Variants in HERPUD2 observed in about 807,000 individuals in gnomAD.
HERPUD2 encodes the protein HERPUD family member 2, also known as homocysteine-responsive endoplasmic reticulum-resident ubiquitin-like domain member 2 protein.
Under a neutral mutation model 49.9 loss-of-function variants are expected in HERPUD2, and 13 were observed. The observed-to-expected ratio is 0.26, with a 90% CI of 0.17 to 0.41. The LOEUF is 0.41. Ranked by LOEUF, HERPUD2 falls within the 10% of genes least tolerant of loss-of-function variation. HERPUD2 has a pLI of 1.00. For missense variants in HERPUD2, 449 were observed against 492.2 expected, an observed-to-expected ratio of 0.91 and a Z score of 0.83; for synonymous variants, 172 against 171.4, an observed-to-expected ratio of 1.00 and a Z score of -0.03.
intron 2 of HERPUD2, among the ~76,000 whole-genome samples, chr7:35,682,386 T>TAC (rs1785934901): frequency 3.8e-5 from 5 of 132,258 alleles, no homozygotes; most frequent in African/African-American, 1.1e-4. Flanking sequence ...TATATATATA[T>TAC]ACTTAATCGG....
intron 3 of HERPUD2, 61 bp downstream of exon 3, chr7:35,673,140 G>C: frequency 7.7e-7 from 1 of 1,292,050 alleles, no homozygotes; most frequent in South Asian, 1.3e-5. Flanking sequence ...TAAAATTTCA[G>C]AACATATCTC....
chr7:35,665,336 C>A (rs1785514417), intron 5 of HERPUD2, among the ~76,000 whole-genome samples: 1 of 152,234 alleles, frequency 6.6e-6, no homozygotes, highest in African/African-American at 2.4e-5. Flanking sequence ...CCTCCCTCAG[C>A]CTTGCTGTCG....
intron 6 of HERPUD2, among the ~76,000 whole-genome samples, chr7:35,637,138 A>AAACG (rs1784882629): frequency 1.5e-5 from 2 of 135,694 alleles, no homozygotes; most frequent in Admixed American, 7.8e-5. Context: ...GTCTCAAAAA[A>AAACG]AAAGAAAGAA....
intron 2 of HERPUD2, among the ~76,000 whole-genome samples, chr7:35,674,365 A>G (rs533921250): frequency 5.5e-4 from 72 of 131,004 alleles, no homozygotes; most frequent in African/African-American, 1.9e-3. Flanking sequence ...TTTTAAAATC[A>G]TAAGTCTTAC....
chr7:35,649,733 G>A (rs1027590584), intron 5 of HERPUD2, among the ~76,000 whole-genome samples: 2 of 152,178 alleles, frequency 1.3e-5, no homozygotes, highest in Non-Finnish European at 2.9e-5. Flanking sequence ...TTATGATAAG[G>A]GGTTGTAGAG....
chr7:35,684,091 A>G (rs1459283085), intron 2 of HERPUD2, among the ~76,000 whole-genome samples: 1 of 152,198 alleles, frequency 6.6e-6, no homozygotes, highest in Non-Finnish European at 1.5e-5. Context: ...TCATTATACA[A>G]AAAAGATATT....
intron 2 of HERPUD2, among the ~76,000 whole-genome samples, chr7:35,681,326 G>C (rs1297310856): frequency 6.6e-6 from 1 of 152,104 alleles, no homozygotes; most frequent in African/African-American, 2.4e-5. Context: ...GTATGGGCAA[G>C]GATGTAGAGA....
At chr7:35,671,183 T>C (rs969155130) in intron 3 of HERPUD2, among the ~76,000 whole-genome samples, 15 of 152,096 alleles carry the variant, frequency 9.9e-5, no homozygotes, top group Non-Finnish European at 2.2e-4. Flanking sequence ...AACCTATAAT[T>C]GTGCTTAATT....
At chr7:35,685,192 G>A (rs1474631840) in intron 2 of HERPUD2, among the ~76,000 whole-genome samples, 1 of 151,386 alleles carries the variant, frequency 6.6e-6, no homozygotes, top group Non-Finnish European at 1.5e-5. Context: ...AGCCAAGGTC[G>A]TGCCACTGTC....
chr7:35,642,132 T>C (rs1411162411), intron 5 of HERPUD2, among the ~76,000 whole-genome samples: 1 of 151,802 alleles, frequency 6.6e-6, no homozygotes, highest in East Asian at 1.9e-4. Context: ...AGAAAAACAT[T>C]TAAAAAGTGG....
intron 2 of HERPUD2, among the ~76,000 whole-genome samples, chr7:35,682,037 C>T (rs754768901): frequency 6.6e-6 from 1 of 151,820 alleles, no homozygotes; most frequent in Non-Finnish European, 1.5e-5. Context: ...ATTGAATATC[C>T]AAATGCCTTC....
At chr7:35,637,206 A>G (rs1222461350) in intron 6 of HERPUD2, among the ~76,000 whole-genome samples, 2 of 142,314 alleles carry the variant, frequency 1.4e-5, no homozygotes, top group African/African-American at 2.5e-5. Context: ...TAGATAGATA[A>G]AAGAAATGTA....
At chr7:35,658,656 G>C (rs1785336249) in intron 5 of HERPUD2, among the ~76,000 whole-genome samples, 1 of 152,118 alleles carries the variant, frequency 6.6e-6, no homozygotes, top group South Asian at 2.1e-4. Flanking sequence ...TAGCTTTTCA[G>C]ATTTGTTATA....
chr7:35,643,557 A>C (rs1208022938), intron 5 of HERPUD2, among the ~76,000 whole-genome samples: 1 of 152,136 alleles, frequency 6.6e-6, no homozygotes, highest in Non-Finnish European at 1.5e-5. Flanking sequence ...TATGCATAAT[A>C]ACATTTGTAT....
At chr7:35,691,447 C>A (rs1208351750) in intron 2 of HERPUD2, among the ~76,000 whole-genome samples, 1 of 152,150 alleles carries the variant, frequency 6.6e-6, no homozygotes, top group Non-Finnish European at 1.5e-5. Context: ...GAAGCCACTG[C>A]CCACAGGAAC....
At chr7:35,649,185 A>G (rs1785113553) in intron 5 of HERPUD2, among the ~76,000 whole-genome samples, 1 of 151,556 alleles carries the variant, frequency 6.6e-6, no homozygotes, top group South Asian at 2.1e-4. Flanking sequence ...TGGGAGGCAG[A>G]GCTTGCAGTG....
rs1274766988 is a variant in HERPUD2, at chr7:35,635,199, C to A, written c.877G>T (p.Val293Leu). ...FSRAAILLSI[V>L]YFYSSFSRFI... ...CGACTAAAAGAAGAATAGAAGTATA[C>A]AATGCTAAGGAGAATCGCAGCTCGT... Residue 293 changes from valine to leucine, a missense_variant, in exon 7 of 9, where the codon GTA becomes TTA. Physicochemically the swap from Val to Leu is conservative, Grantham distance 32. Coordinates refer to ENST00000311350, the MANE Select transcript of HERPUD2 (RefSeq NM_022373.5). The A allele has an allele frequency of 6.2e-7, 1 of 1,614,104 alleles. No homozygotes were observed. The highest frequency in any genetic ancestry group is 8.5e-7 in the Non-Finnish European group (1 of 1,179,978).
intron 5 of HERPUD2, among the ~76,000 whole-genome samples, chr7:35,638,990 C>A (rs1229144662): frequency 6.6e-6 from 1 of 151,522 alleles, no homozygotes; most frequent in African/African-American, 2.4e-5. Context: ...ATTAGTAGAA[C>A]ATGTTCACAT....
intron 5 of HERPUD2, among the ~76,000 whole-genome samples, chr7:35,654,329 C>T (rs1221519491): frequency 6.6e-6 from 1 of 151,098 alleles, no homozygotes; most frequent in Non-Finnish European, 1.5e-5. Flanking sequence ...AAAAAAAAGA[C>T]CCATATAAAT....
Sources: allele counts gnomAD v4.1 joint callset (sites outside exome capture counted in the v4.1 genomes callset), GRCh38; gene constraint gnomAD v4.1.1; transcripts MANE v1.5; gene names NCBI Gene and HGNC (gene_info 2026-07-23, HGNC 2026-07-21).